ANKFN1: variants seen among roughly 807,000 people sequenced by gnomAD.
ANKFN1 encodes ankyrin repeat and fibronectin type-III domain-containing protein 1.
A neutral mutation model predicts 108.7 loss-of-function variants in ANKFN1; 74 were observed. The ratio of observed to expected loss-of-function variants is 0.68; its 90% confidence interval spans 0.56 to 0.83. ANKFN1 has a LOEUF of 0.83. ANKFN1 is among the 40% of genes least tolerant of loss of function. The probability of loss-of-function intolerance (pLI) is 0.00; values close to 1 mark genes in which losing one functional copy is unlikely to be tolerated. For missense variants in ANKFN1, 1,505 were observed against 1,382.3 expected (o/e 1.09, Z -1.41); for synonymous variants, 547 against 516.2 (o/e 1.06, Z -0.81).
At chr17:56,181,857 G>A (rs924500476) in intron 1 of ANKFN1, among the ~76,000 whole-genome samples, 11 of 152,092 alleles carry the variant, frequency 7.2e-5, no homozygotes, top group African/African-American at 2.4e-4. Flanking sequence ...GAGCCTATGG[G>A]CATCATTTTT....
intron 1 of ANKFN1, among the ~76,000 whole-genome samples, chr17:56,164,822 C>A (rs1910001419): frequency 6.6e-6 from 1 of 152,168 alleles, no homozygotes; most frequent in African/African-American, 2.4e-5. Flanking sequence ...ATGGTGATAA[C>A]TATTGGACAA....
chr17:56,475,984 C>T (rs1375564700), intron 15 of ANKFN1, among the ~76,000 whole-genome samples: 6 of 152,140 alleles, frequency 3.9e-5, no homozygotes, highest in East Asian at 3.9e-4. Flanking sequence ...CTTACAATCA[C>T]GGCAGAAAGT....
intron 4 of ANKFN1, among the ~76,000 whole-genome samples, chr17:56,337,534 C>G (rs370509909): frequency 1.5e-4 from 23 of 152,210 alleles, no homozygotes; most frequent in East Asian, 1.2e-3. Flanking sequence ...AGGCAACTTA[C>G]AGAATGGGAG....
At chr17:56,396,805 G>T (rs1015875648) in intron 8 of ANKFN1, among the ~76,000 whole-genome samples, 1 of 151,988 alleles carries the variant, frequency 6.6e-6, no homozygotes, top group Admixed American at 6.6e-5. Context: ...GTATATGCCA[G>T]AATCAAATTT....
At chr17:56,455,989 A>T (rs2049679496) in intron 11 of ANKFN1, among the ~76,000 whole-genome samples, 1 of 152,218 alleles carries the variant, frequency 6.6e-6, no homozygotes, top group Non-Finnish European at 1.5e-5. Flanking sequence ...ACAATGAAGA[A>T]AAAAACTGTT....
intron 8 of ANKFN1, among the ~76,000 whole-genome samples, chr17:56,402,291 T>C (rs2047787414): frequency 6.6e-6 from 1 of 152,196 alleles, no homozygotes. Context: ...GAATGTCTGG[T>C]AGAATTCTGC....
intron 10 of ANKFN1, among the ~76,000 whole-genome samples, chr17:56,448,670 A>G (rs1338895065): frequency 1.3e-5 from 2 of 152,182 alleles, no homozygotes; most frequent in Admixed American, 6.5e-5. Context: ...TAGTCTGCAC[A>G]TTCCCACCCC....
intron 4 of ANKFN1, among the ~76,000 whole-genome samples, chr17:56,086,863 C>T (rs1035369721): frequency 1.3e-5 from 2 of 151,344 alleles, no homozygotes; most frequent in Non-Finnish European, 1.5e-5. Flanking sequence ...ATTTCTTGAA[C>T]TCCAATACCA....
At chr17:56,364,073 A>G (rs1409398752) in intron 6 of ANKFN1, among the ~76,000 whole-genome samples, 1 of 152,212 alleles carries the variant, frequency 6.6e-6, no homozygotes, top group East Asian at 1.9e-4. Context: ...GTAAAAGAGT[A>G]AATTCCAAAT....
intron 3 of ANKFN1, among the ~76,000 whole-genome samples, chr17:56,320,828 A>C (rs2045344787): frequency 6.6e-6 from 1 of 152,162 alleles, no homozygotes; most frequent in African/African-American, 2.4e-5. Context: ...CCACATGATT[A>C]GTTCAGATAA....
chr17:56,150,369 G>C (rs1456769396), upstream of ANKFN1, among the ~76,000 whole-genome samples: 1 of 152,162 alleles, frequency 6.6e-6, no homozygotes. Flanking sequence ...TAAGCAGCTG[G>C]AGCTGGGTTA....
At chr17:56,315,457 G>A (rs1016721735) in intron 3 of ANKFN1, among the ~76,000 whole-genome samples, 3 of 152,178 alleles carry the variant, frequency 2.0e-5, no homozygotes, top group African/African-American at 7.2e-5. Context: ...AGAAGACTAT[G>A]CTAGCTAGCA....
chr17:56,460,710 C>T (rs2049876158), intron 14 of ANKFN1, among the ~76,000 whole-genome samples: 2 of 151,572 alleles, frequency 1.3e-5, no homozygotes, highest in South Asian at 2.1e-4. Flanking sequence ...AAGTTCATTC[C>T]TCCACATGTG....
chr17:56,261,750 C>A (rs2043516674), intron 3 of ANKFN1, among the ~76,000 whole-genome samples: 1 of 152,190 alleles, frequency 6.6e-6, no homozygotes, highest in African/African-American at 2.4e-5. Context: ...GCCATGCTGG[C>A]AGCTGATTAG....
At chr17:56,343,781 A>G (rs1252231624) in intron 4 of ANKFN1, among the ~76,000 whole-genome samples, 1 of 151,842 alleles carries the variant, frequency 6.6e-6, no homozygotes, top group African/African-American at 2.4e-5. Context: ...TTCACTCCTC[A>G]TACTGGATAA....
intron 3 of ANKFN1, among the ~76,000 whole-genome samples, chr17:56,324,582 T>C (rs555089215): frequency 1.3e-5 from 2 of 152,226 alleles, no homozygotes; most frequent in East Asian, 3.9e-4. Flanking sequence ...CCAAAATTTT[T>C]CTAGATGAAA....
chr17:56,131,992 A>G (rs16956711), intron 4 of ANKFN1, among the ~76,000 whole-genome samples: 47,057 of 152,122 alleles, frequency 0.31, 8,948 homozygotes, highest in East Asian at 0.53. Flanking sequence ...TGGACCCTCA[A>G]ATTAAAACTT....
intron 8 of ANKFN1, among the ~76,000 whole-genome samples, chr17:56,376,946 G>T (rs1355518283): frequency 6.6e-6 from 1 of 151,968 alleles, no homozygotes; most frequent in Non-Finnish European, 1.5e-5. Flanking sequence ...TTAATTCAGG[G>T]GTTGAAGTAA....
intron 15 of ANKFN1, among the ~76,000 whole-genome samples, chr17:56,467,753 AAG>A (rs1386448410): frequency 6.5e-5 from 2 of 30,650 alleles, no homozygotes; most frequent in African/African-American, 2.6e-4. Context: ...CAAAGAAAGA[AAG>A]AAAGAAAGAA....
Sources: allele counts gnomAD v4.1 joint callset (sites outside exome capture counted in the v4.1 genomes callset), GRCh38; gene constraint gnomAD v4.1.1; transcripts MANE v1.5; gene names NCBI Gene and HGNC (gene_info 2026-07-23, HGNC 2026-07-21).